Variants in GTF2A2 observed in about 807,000 individuals in gnomAD.
GTF2A2 encodes transcription initiation factor IIA subunit 2.
Under a neutral mutation model 14.3 loss-of-function variants are expected in GTF2A2, and 9 were observed. The ratio of observed to expected loss-of-function variants is 0.63; its 90% CI spans 0.38 to 1.10. The LOEUF (loss-of-function observed/expected upper bound fraction) is 1.10. Among genes scored for constraint, GTF2A2 ranks in the 50% least tolerant of loss-of-function variants. The pLI, the probability that GTF2A2 is intolerant of heterozygous loss-of-function variation, is 0.01. For synonymous variants in GTF2A2, 56 were observed against 46.0 expected (o/e 1.22, Z -0.88); for missense variants, 90 against 124.6 (o/e 0.72, Z 1.32).
intron 4 of GTF2A2, among the ~76,000 whole-genome samples, 176 bp downstream of exon 4, chr15:59,641,960 A>AGC (rs1428072217): frequency 6.6e-6 from 1 of 152,240 alleles, no homozygotes; most frequent in African/African-American, 2.4e-5. Flanking sequence ...TCACAAAGTA[A>AGC]GAGCACTGTT....
chr15:59,641,062 T>TA (rs1222212411), intron 4 of GTF2A2, among the ~76,000 whole-genome samples: 1 of 152,082 alleles, frequency 6.6e-6, no homozygotes, highest in East Asian at 1.9e-4. Flanking sequence ...ATATAGCTAC[T>TA]AAAAATCAGG....
At chr15:59,640,929 A>ATGATTATTCCTAGGTAACCTTC (rs1555393982) in intron 4 of GTF2A2, among the ~76,000 whole-genome samples, 3 of 136,346 alleles carry the variant, frequency 2.2e-5, no homozygotes, top group Non-Finnish European at 5.0e-5. Context: ...AGTTCTTAGA[A>ATGATTATTCCTAGGTAACCTTC]TGATTATTCC....
At chr15:59,653,584 C>G (rs7182962) in intron 1 of GTF2A2, among the ~76,000 whole-genome samples, 98,537 of 148,508 alleles carry the variant, frequency 0.66, 32,277 homozygotes, top group African/African-American at 0.73. Context: ...CCTAAGTTTT[C>G]TTGGGTCCTC....
At chr15:59,642,036 C>G (rs1013876363) in intron 4 of GTF2A2, 100 bp downstream of exon 4, 20 of 974,480 alleles carry the variant, frequency 2.1e-5, no homozygotes, top group Non-Finnish European at 3.0e-5. Context: ...GATCATAGGG[C>G]CATTTTACCC....
At chr15:59,639,256 T>TAATAGTGGTGGTGG in intron 4 of GTF2A2, 99 bp from the exon 5 acceptor site, 1 of 764,682 alleles carries the variant, frequency 1.3e-6, no homozygotes, top group Non-Finnish European at 2.4e-6. Flanking sequence ...AACACAGGAC[T>TAATAGTGGTGGTGG]AATAGTGGTG....
intron 1 of GTF2A2, among the ~76,000 whole-genome samples, chr15:59,654,722 AC>A (rs1291255886): frequency 6.6e-6 from 1 of 152,218 alleles, no homozygotes; most frequent in Admixed American, 6.5e-5. Flanking sequence ...AAAGTATTAC[AC>A]TTCACTGAGG....
rs376667642 is a variant in GTF2A2 at position 59,639,093 on chromosome 15, A to G, written c.*39T>C. On this transcript the variant is annotated 3_prime_UTR_variant, in exon 5 of 5. Coordinates refer to ENST00000396060, the MANE Select transcript of GTF2A2 (RefSeq NM_004492.3). The stretch of plus-strand genomic sequence containing the variant: ...CTATGCTTCTCTTCAAAAGCAATGA[A>G]TAACAGAAGATGGTGTAAAAAAGTC... 2.2e-4 allele frequency: 256 copies of G among 1,181,630 alleles called. No homozygotes were observed. The African/African-American group carries it at 3.6e-3, about 17-fold the overall frequency. 73.2% of individuals were successfully genotyped at this position (1,181,630 alleles called of 1,614,324 possible).
At chr15:59,647,118 G>C (rs1442990329) in intron 3 of GTF2A2, among the ~76,000 whole-genome samples, 2 of 151,642 alleles carry the variant, frequency 1.3e-5, no homozygotes, top group African/African-American at 4.8e-5. Flanking sequence ...TTTGAAGCAG[G>C]GTCTAGCTGT....
chr15:59,639,433 C>A (rs925798887), intron 4 of GTF2A2, among the ~76,000 whole-genome samples: 10 of 150,910 alleles, frequency 6.6e-5, no homozygotes, highest in African/African-American at 1.9e-4. Context: ...GTTACATAAC[C>A]TTTCTTCCCC....
chr15:59,640,370 G>C (rs1265992747), intron 4 of GTF2A2: 5 of 152,176 alleles, frequency 3.3e-5, no homozygotes, highest in African/African-American at 1.2e-4. Context: ...ATTCTGTTCA[G>C]AGGCTTTATT....
chr15:59,640,709 CTAAT>C (rs1891387895), intron 4 of GTF2A2, among the ~76,000 whole-genome samples: 1 of 151,900 alleles, frequency 6.6e-6, no homozygotes, highest in African/African-American at 2.4e-5. Flanking sequence ...ATTCTACAGA[CTAAT>C]AAAAATAAAT....
chr15:59,644,996 A>G (rs552011176), intron 3 of GTF2A2, among the ~76,000 whole-genome samples: 1 of 152,326 alleles, frequency 6.6e-6, no homozygotes. Context: ...TGGGTGAATC[A>G]GAGAGGTGAA....
At chr15:59,655,233 C>T (rs1207920700) in intron 1 of GTF2A2, among the ~76,000 whole-genome samples, 1 of 152,170 alleles carries the variant, frequency 6.6e-6, no homozygotes, top group Non-Finnish European at 1.5e-5. Flanking sequence ...AACAAAAACC[C>T]CTCAACCCAA....
intron 2 of GTF2A2, chr15:59,651,385 C>G (rs1268830296): frequency 6.6e-6 from 1 of 152,404 alleles, no homozygotes; most frequent in African/African-American, 2.4e-5. Flanking sequence ...CCATGTTGGT[C>G]AGGCTGGTCT....
At chr15:59,656,357 GAC>G (rs1891942187) in intron 1 of GTF2A2, among the ~76,000 whole-genome samples, 1 of 151,626 alleles carries the variant, frequency 6.6e-6, no homozygotes, top group African/African-American at 2.4e-5. Flanking sequence ...GGCTCAAACT[GAC>G]CACCGTCATC....
intron 2 of GTF2A2, 29 bp from the exon 3 acceptor site, chr15:59,650,802 G>A (rs543535387): frequency 1.7e-5 from 19 of 1,147,334 alleles, no homozygotes; most frequent in Middle Eastern, 2.0e-4. Context: ...CATAAATCCC[G>A]TTAAGGAAGA....
At chr15:59,657,158 C>T (rs995932460) in intron 1 of GTF2A2, 4 of 152,200 alleles carry the variant, frequency 2.6e-5, no homozygotes, top group Non-Finnish European at 5.9e-5. Flanking sequence ...TGAAGACCTC[C>T]CCTAGGTGGG....
At chr15:59,653,074 G>C (rs1891841387) in intron 1 of GTF2A2, 1 of 152,318 alleles carries the variant, frequency 6.6e-6, no homozygotes, top group Admixed American at 6.5e-5. Context: ...CGAATAGGGA[G>C]TGGCAGGAGA....
rs200934875 is a variant in GTF2A2 at position 59,638,443 on chromosome 15, G to C, written c.*689C>G. The C allele has an allele frequency of 2.6e-5, 2 of 77,416 alleles. No homozygotes were observed. The highest frequency in any genetic ancestry group is 6.6e-5 in the Non-Finnish European group (2 of 30,488). 4.8% of individuals were successfully genotyped at this position (77,416 alleles called of 1,614,324 possible). A position where few individuals can be genotyped will look rare whatever the true frequency, so the allele number is the denominator to read the frequency against. On this transcript the variant is annotated 3_prime_UTR_variant, in exon 5 of 5. Coordinates refer to ENST00000396060, the MANE Select transcript of GTF2A2 (RefSeq NM_004492.3). Reference sequence around the variant, plus strand: ...TGTAAGTCTAATGTATCTTGTACATGATAAAATGTATGAACTTTGGATCAA... The same window carrying C: ...TGTAAGTCTAATGTATCTTGTACATCATAAAATGTATGAACTTTGGATCAA...
Sources: gnomAD v4.1 joint callset for allele counts (sites outside exome capture counted in the v4.1 genomes callset) on GRCh38, gnomAD v4.1.1 for gene constraint, MANE v1.5 for transcripts, NCBI Gene and HGNC (gene_info 2026-07-23, HGNC 2026-07-21) for gene names.